NUDCD1: variants seen among roughly 807,000 people sequenced by gnomAD.
The protein encoded by NUDCD1 is NudC domain containing 1.
A neutral mutation model predicts 67.8 loss-of-function variants in NUDCD1; 60 were observed. The observed-to-expected ratio is 0.88, with a 90% CI of 0.72 to 1.10. The LOEUF (loss-of-function observed/expected upper bound fraction) is 1.10. Among genes scored for constraint, NUDCD1 ranks in the 50% least tolerant of loss-of-function variants. The pLI, the probability that NUDCD1 is intolerant of heterozygous loss-of-function variation, is 0.00. For synonymous variants in NUDCD1, 244 were observed against 230.8 expected (o/e 1.06, Z -0.52); for missense variants, 643 against 695.0 (o/e 0.93, Z 0.84).
intron 2 of NUDCD1, among the ~76,000 whole-genome samples, chr8:109,310,835 GAGA>G (rs1467849714): frequency 2.8e-5 from 1 of 36,094 alleles, no homozygotes; most frequent in South Asian, 7.3e-4. Flanking sequence ...TTTTTTTTTT[GAGA>G]AGGAGTCTTG....
intron 2 of NUDCD1, among the ~76,000 whole-genome samples, chr8:109,311,559 G>GTGTGTATGTATATATATA: frequency 8.0e-6 from 1 of 125,120 alleles, no homozygotes; most frequent in Non-Finnish European, 1.7e-5. Context: ...AAACTGTGGT[G>GTGTGTATGTATATATATA]TATATATATA....
At chr8:109,264,028 GTA>G (rs1248241529) in intron 8 of NUDCD1, among the ~76,000 whole-genome samples, 16 of 152,142 alleles carry the variant, frequency 1.1e-4, no homozygotes, top group Non-Finnish European at 2.4e-4. Flanking sequence ...TGACTCTTGA[GTA>G]TATGTCTTTT....
At chr8:109,287,058 G>C (rs1372483008) in intron 5 of NUDCD1, among the ~76,000 whole-genome samples, 1 of 151,930 alleles carries the variant, frequency 6.6e-6, no homozygotes, top group Non-Finnish European at 1.5e-5. Flanking sequence ...TCAGAGATTT[G>C]CACTTGCAAA....
chr8:109,272,300 T>C (rs1175323883), intron 7 of NUDCD1, among the ~76,000 whole-genome samples: 1 of 152,030 alleles, frequency 6.6e-6, no homozygotes, highest in Non-Finnish European at 1.5e-5. Flanking sequence ...TCTTAAATTA[T>C]AGATGATACA....
At chr8:109,276,836 T>C (rs1449243162) in intron 6 of NUDCD1, among the ~76,000 whole-genome samples, 1 of 152,132 alleles carries the variant, frequency 6.6e-6, no homozygotes, top group Non-Finnish European at 1.5e-5. Flanking sequence ...CTAATATTTG[T>C]ATTTTTAGTA....
intron 1 of NUDCD1, among the ~76,000 whole-genome samples, chr8:109,332,522 C>G (rs1031537361): frequency 4.6e-5 from 7 of 152,114 alleles, no homozygotes; most frequent in Non-Finnish European, 1.0e-4. Context: ...AGACCCTACC[C>G]CCACCCTCCA....
chr8:109,310,953 C>A (rs3101128), intron 2 of NUDCD1, among the ~76,000 whole-genome samples: 1 of 150,948 alleles, frequency 6.6e-6, no homozygotes. Context: ...GTAGCTGGGA[C>A]TACAGGCGCA....
Position 109,281,175 on chromosome 8 carries a change from A to G in NUDCD1, c.824-3T>C. 1 of 1,599,300 alleles carries G rather than the reference A, an allele frequency of 6.3e-7. No individual in the cohort carries two copies. Among genetic ancestry groups the G allele is most frequent in the Non-Finnish European group, 8.5e-7 (1 of 1,170,082 alleles). ...CTGTTGCCAGTAATACAGAGGTTCT[A>G]TTGGGAAAAGAAAAATGCATCATGT... On this transcript the variant is annotated splice_region_variant and splice_polypyrimidine_tract_variant and intron_variant, in intron 5 of 9. Coordinates refer to ENST00000239690, the MANE Select transcript of NUDCD1 (RefSeq NM_032869.4).
chr8:109,333,867 G>A (rs1277061256), intron 1 of NUDCD1, 26 bp downstream of exon 1: 3 of 1,613,238 alleles, frequency 1.9e-6, no homozygotes, highest in African/African-American at 2.7e-5. Flanking sequence ...AAGGAACGGA[G>A]TACGAAGGGC....
intron 9 of NUDCD1, among the ~76,000 whole-genome samples, chr8:109,244,734 A>G (rs1813455084): frequency 6.6e-6 from 1 of 152,196 alleles, no homozygotes; most frequent in African/African-American, 2.4e-5. Context: ...CAGAAAATCA[A>G]TGATTGCATA....
chr8:109,262,254 C>T (rs1421544598), intron 8 of NUDCD1, among the ~76,000 whole-genome samples: 2 of 152,204 alleles, frequency 1.3e-5, no homozygotes, highest in Non-Finnish European at 2.9e-5. Context: ...AATGTTAATG[C>T]CCCCAGTGGA....
chr8:109,291,703 T>G (rs1250669021), intron 4 of NUDCD1, among the ~76,000 whole-genome samples: 1 of 152,162 alleles, frequency 6.6e-6, no homozygotes, highest in Non-Finnish European at 1.5e-5. Context: ...AATTAATGAT[T>G]CTATAACTAC....
At chr8:109,264,220 G>A (rs1268526164) in intron 8 of NUDCD1, among the ~76,000 whole-genome samples, 2 of 152,142 alleles carry the variant, frequency 1.3e-5, no homozygotes, top group African/African-American at 4.8e-5. Flanking sequence ...TGGTTATTCT[G>A]AATTGAGATT....
chr8:109,257,887 G>A (rs1813775018), intron 8 of NUDCD1, among the ~76,000 whole-genome samples: 1 of 151,954 alleles, frequency 6.6e-6, no homozygotes, highest in East Asian at 1.9e-4. Flanking sequence ...ACAGGTACCT[G>A]GCCCACTGAG....
chr8:109,309,878 A>C (rs61212890), intron 2 of NUDCD1, among the ~76,000 whole-genome samples: 53,448 of 150,282 alleles, frequency 0.36, 10,240 homozygotes, highest in South Asian at 0.5. Context: ...AAAAAAAAAC[A>C]AAACAAACAA....
chr8:109,290,422 G>A (rs139834455), intron 4 of NUDCD1, among the ~76,000 whole-genome samples: 1 of 152,182 alleles, frequency 6.6e-6, no homozygotes, highest in Non-Finnish European at 1.5e-5. Flanking sequence ...AAGCCTGTCT[G>A]CCTTCTCAGC....
intron 1 of NUDCD1, 29 bp from the exon 2 acceptor site, chr8:109,322,492 A>C (rs1201220778): frequency 6.4e-7 from 1 of 1,565,044 alleles, no homozygotes; most frequent in Admixed American, 1.7e-5. Flanking sequence ...AAACATAAAC[A>C]TCAAGAGTTT....
intron 6 of NUDCD1, among the ~76,000 whole-genome samples, chr8:109,278,712 C>T (rs570590458): frequency 1.3e-4 from 20 of 152,250 alleles, no homozygotes; most frequent in South Asian, 2.1e-4. Flanking sequence ...ATTCATATTG[C>T]TTTTTATTTA....
chr8:109,298,431 T>C (rs909848010), intron 2 of NUDCD1, among the ~76,000 whole-genome samples: 5 of 152,178 alleles, frequency 3.3e-5, no homozygotes, highest in Non-Finnish European at 7.3e-5. Context: ...AGTCCACAAA[T>C]GCTACTGGGA....
Sources: gnomAD v4.1 joint callset for allele counts (sites outside exome capture counted in the v4.1 genomes callset) on GRCh38, gnomAD v4.1.1 for gene constraint, MANE v1.5 for transcripts, NCBI Gene and HGNC (gene_info 2026-07-23, HGNC 2026-07-21) for gene names.